PDE9A: variants seen among roughly 807,000 people sequenced by gnomAD.
PDE9A encodes the protein phosphodiesterase 9A, also known as high affinity cGMP-specific 3',5'-cyclic phosphodiesterase 9A.
In PDE9A, 60 loss-of-function variants were observed where a neutral mutation model predicts 87.4. The observed-to-expected ratio is 0.69, with a 90% CI of 0.56 to 0.85. The LOEUF is 0.85. PDE9A is among the 40% of genes least tolerant of loss of function. The pLI is 0.00. For missense variants in PDE9A, 665 were observed against 779.0 expected (o/e 0.85, Z 1.74); for synonymous variants, 272 against 279.4 (o/e 0.97, Z 0.27).
chr21:42,743,145 C>T (rs1185787885), intron 7 of PDE9A, among the ~76,000 whole-genome samples: 1 of 152,222 alleles, frequency 6.6e-6, no homozygotes, highest in Non-Finnish European at 1.5e-5. Flanking sequence ...AGTTAGATCT[C>T]TTTCACTGTC....
At chr21:42,711,672 T>G (rs1287460946) in intron 4 of PDE9A, among the ~76,000 whole-genome samples, 2 of 152,166 alleles carry the variant, frequency 1.3e-5, no homozygotes, top group Non-Finnish European at 2.9e-5. Context: ...TAAAGAAAAT[T>G]TTTAACAACC....
chr21:42,679,159 T>C (rs2059014532), intron 1 of PDE9A, among the ~76,000 whole-genome samples: 1 of 152,142 alleles, frequency 6.6e-6, no homozygotes, highest in Non-Finnish European at 1.5e-5. Flanking sequence ...CCACAGGCTG[T>C]GGGCAAGGAA....
At chr21:42,757,198 C>G (rs2055165846) in intron 10 of PDE9A, 1 of 152,278 alleles carries the variant, frequency 6.6e-6, no homozygotes, top group Admixed American at 6.5e-5. Flanking sequence ...TGCACATTAT[C>G]CAACCTACAT....
intron 1 of PDE9A, among the ~76,000 whole-genome samples, chr21:42,655,427 G>T (rs36098823): frequency 0.054 from 8,195 of 152,280 alleles, 309 homozygotes; most frequent in Middle Eastern, 0.1. Context: ...AGGACGCTGG[G>T]CATGGCAGGC....
chr21:42,773,768 T>G (rs1602622880), intron 19 of PDE9A, among the ~76,000 whole-genome samples: 1 of 149,726 alleles, frequency 6.7e-6, no homozygotes, highest in East Asian at 2.0e-4. Flanking sequence ...GCCACTGCAC[T>G]CCAGCCTGGG....
intron 19 of PDE9A, among the ~76,000 whole-genome samples, chr21:42,773,908 T>C (rs945084993): frequency 1.3e-5 from 2 of 150,550 alleles, no homozygotes; most frequent in East Asian, 2.0e-4. Flanking sequence ...ATCGAGACCA[T>C]CCTGGCTAAC....
At chr21:42,730,150 T>C (rs1235183241) in intron 4 of PDE9A, among the ~76,000 whole-genome samples, 1 of 152,232 alleles carries the variant, frequency 6.6e-6, no homozygotes, top group Non-Finnish European at 1.5e-5. Flanking sequence ...TAAAACCCTA[T>C]GATGATTCTT....
At chr21:42,710,917 G>A (rs2146457444) in intron 4 of PDE9A, among the ~76,000 whole-genome samples, 1 of 152,314 alleles carries the variant, frequency 6.6e-6, no homozygotes, top group South Asian at 2.1e-4. Context: ...GAACCCAGGA[G>A]GTGGATGTTG....
In PDE9A at chr21:42,768,267, G is replaced by C. The variant is rs144998592; in HGVS notation, c.1436G>C (p.Cys479Ser). ...GAAGTCGCAGAGCCTTGGGTGGACTGTTTATTAGAGGAATATTTTATGCAG... is the reference window on the plus strand; with the variant it reads ...GAAGTCGCAGAGCCTTGGGTGGACTCTTTATTAGAGGAATATTTTATGCAG... ...PMEVAEPWVD[C>S]LLEEYFMQSD... Residue 479 changes from cysteine to serine, a missense_variant, in exon 16 of 20, where the codon TGT (cysteine) becomes TCT (serine). Cys to Ser is a moderately radical substitution (Grantham distance 112). Coordinates refer to ENST00000291539, the MANE Select transcript of PDE9A (RefSeq NM_002606.3). 3.1e-6 allele frequency: 5 copies of C among 1,598,384 alleles called. No homozygotes were observed. In the African/African-American group the frequency reaches 5.4e-5, roughly 17 times the overall value.
chr21:42,687,722 C>G (rs534899919), intron 2 of PDE9A, among the ~76,000 whole-genome samples, 195 bp from the exon 3 acceptor site: 3 of 152,336 alleles, frequency 2.0e-5, no homozygotes, highest in African/African-American at 7.2e-5. Flanking sequence ...TTATACGCAG[C>G]TGTTTAATTT....
rs941118519 is a variant in PDE9A, at chr21:42,732,128, CAG to C, written c.497+7_497+8del. ...AGGTTGCAGAGCAGTTCTCAAGGTA[CAG>C]AGTCTTCTAAACTTACAACCAGCCA... On this transcript the variant is annotated splice_donor_5th_base_variant and intron_variant, in intron 6 of 19. Transcript: ENST00000291539. The C allele has an allele frequency of 4.3e-6, 7 of 1,613,070 alleles. No individual in the cohort carries two copies. The highest frequency in any genetic ancestry group is 5.9e-6 in the Non-Finnish European group (7 of 1,179,202).
chr21:42,762,665 C>T (rs34188649), intron 14 of PDE9A, among the ~76,000 whole-genome samples: 12,713 of 152,162 alleles, frequency 0.084, 785 homozygotes, highest in African/African-American at 0.18. Context: ...ACCTGCCACC[C>T]ACAGCCCAGT....
intron 4 of PDE9A, among the ~76,000 whole-genome samples, chr21:42,712,368 C>T (rs1048106786): frequency 2.0e-5 from 3 of 152,054 alleles, no homozygotes; most frequent in Admixed American, 6.5e-5. Flanking sequence ...TGGATGTTGG[C>T]GTTGGATCCT....
Position 42,704,960 on chromosome 21 carries a change from T to G in PDE9A, c.262+5949T>G, listed in dbSNP as rs539814190. ...GGAAATAGTAAAGAGAAGAGTATTA[T>G]CAAAAACGTGACTTTTCATAGAAAA... is the stretch of plus-strand genomic sequence containing the variant. On this transcript the variant is annotated intron_variant, in intron 4 of 19. Transcript: ENST00000291539. This position sits in a 1 kb window ranked among gnomAD's most constrained non-coding sequence, Gnocchi z 5.3. 6.6e-5 allele frequency among the ~76,000 whole-genome samples: 10 copies of G among 152,306 alleles called. No individual in the cohort carries two copies. Among genetic ancestry groups the G allele is most frequent in the Admixed American group, 4.6e-4 (7 of 15,302 alleles).
rs768612231 is a variant in PDE9A, at chr21:42,759,530, G to A, written c.897+445G>A. Among the ~76,000 whole-genome samples the A allele has an allele frequency of 8.1e-5, 12 of 147,988 alleles. No individual in the cohort carries two copies. Among genetic ancestry groups the A allele is most frequent in the East Asian group, 2.3e-4 (1 of 4,324 alleles). ...TGTGTGGATGTAAATGTGTGGGAGC[G>A]TGTGTGTGTGTGAGTGTGGGGTGTG... is the stretch of plus-strand genomic sequence containing the variant. On this transcript the variant is annotated intron_variant, in intron 11 of 19. Coordinates refer to ENST00000291539, the MANE Select transcript of PDE9A (RefSeq NM_002606.3). The surrounding 1 kb of genome is among the most constrained non-coding windows in gnomAD (Gnocchi z 7.2).
intron 4 of PDE9A, among the ~76,000 whole-genome samples, chr21:42,720,596 A>T (rs1293749778): frequency 6.6e-6 from 1 of 152,238 alleles, no homozygotes; most frequent in Non-Finnish European, 1.5e-5. Flanking sequence ...AAGTAAGTGC[A>T]GCTCTGTCCC....
At chr21:42,769,179 A>T (rs756419293) in intron 17 of PDE9A, 24 bp downstream of exon 17, 14 of 1,606,006 alleles carry the variant, frequency 8.7e-6, no homozygotes, top group Admixed American at 1.7e-5. Context: ...ACCACATGTC[A>T]CACTTGCTTA....
intron 18 of PDE9A, among the ~76,000 whole-genome samples, chr21:42,771,201 G>C (rs566370922): frequency 6.6e-6 from 1 of 152,278 alleles, no homozygotes; most frequent in East Asian, 1.9e-4. Context: ...GGGTAGAAAG[G>C]GGCCCTCCCC....
Position 42,769,061 on chromosome 21 carries a change from C to T in PDE9A, c.1496C>T (p.Ala499Val), listed in dbSNP as rs1345599781. 1 of 1,613,614 alleles carries T rather than the reference C, an allele frequency of 6.2e-7. No homozygotes were observed. The highest frequency in any genetic ancestry group is 8.5e-7 in the Non-Finnish European group (1 of 1,179,608). ...GAGAAGTCAGAAGGCCTTCCTGTGG[C>T]ACCGTTCATGGACCGAGACAAAGTG... ...DREKSEGLPV[A>V]PFMDRDKVTK... The change falls in exon 17 of 20, where the codon GCA becomes GTA. Residue 499 changes from alanine to valine, a missense_variant. Physicochemically the swap from Ala to Val is moderately conservative, Grantham distance 64 (BLOSUM62 0). Coordinates refer to ENST00000291539, the MANE Select transcript of PDE9A (RefSeq NM_002606.3).
Sources: gnomAD v4.1 joint callset for allele counts (sites outside exome capture counted in the v4.1 genomes callset) on GRCh38, gnomAD v4.1.1 for gene constraint, Gnocchi (gnomAD v3.1) non-coding constraint, MANE v1.5 for transcripts, NCBI Gene and HGNC (gene_info 2026-07-23, HGNC 2026-07-21) for gene names.